Variants in TENM2 observed in about 807,000 individuals in gnomAD.
TENM2 encodes the protein teneurin transmembrane protein 2.
A neutral mutation model predicts 245.2 loss-of-function variants in TENM2; 52 were observed. The ratio of observed to expected loss-of-function variants is 0.21; its 90% CI spans 0.17 to 0.27. TENM2 has a LOEUF of 0.27. TENM2 is among the 10% of genes least tolerant of loss of function. The pLI is 1.00. For missense variants in TENM2, 3,046 were observed against 3,666.8 expected (o/e 0.83, Z 4.37); for synonymous variants, 1,363 against 1,438.9 (o/e 0.95, Z 1.19).
At chr5:167,414,549 G>A (rs1448831740) in intron 2 of TENM2, among the ~76,000 whole-genome samples, 1 of 152,058 alleles carries the variant, frequency 6.6e-6, no homozygotes, top group Non-Finnish European at 1.5e-5. Flanking sequence ...GATTTATGGA[G>A]GTAGTAGGGG....
intron 5 of TENM2, among the ~76,000 whole-genome samples, chr5:168,005,004 G>A (rs1256410238): frequency 6.6e-6 from 1 of 152,124 alleles, no homozygotes; most frequent in African/African-American, 2.4e-5. Context: ...GGGTAAAGGT[G>A]CTGCCTAAGG....
intron 9 of TENM2, among the ~76,000 whole-genome samples, chr5:168,098,725 T>C (rs1407097310): frequency 1.3e-5 from 2 of 152,148 alleles, no homozygotes; most frequent in Non-Finnish European, 2.9e-5. Flanking sequence ...CAAATGGCTC[T>C]ATCAGAGGCA....
At chr5:168,168,828 C>G (rs1486691694) in intron 13 of TENM2, among the ~76,000 whole-genome samples, 1 of 152,144 alleles carries the variant, frequency 6.6e-6, no homozygotes. Context: ...AATTCTCTGT[C>G]ATTAGGGTAT....
chr5:167,116,073 A>G, the TENM2 span, among the ~76,000 whole-genome samples: 25 of 152,350 alleles, frequency 1.6e-4, no homozygotes, highest in Middle Eastern at 3.4e-3. Flanking sequence ...TGCCTGGGAC[A>G]GAAAAGCCCT....
chr5:167,319,074 G>A (rs981836776), intron 1 of TENM2, among the ~76,000 whole-genome samples: 1 of 152,162 alleles, frequency 6.6e-6, no homozygotes, highest in Non-Finnish European at 1.5e-5. Flanking sequence ...TATACAGTTG[G>A]CCAATTTAAA....
chr5:167,656,964 G>A (rs914558509), intron 2 of TENM2, among the ~76,000 whole-genome samples: 8 of 137,708 alleles, frequency 5.8e-5, no homozygotes, highest in African/African-American at 2.2e-4. Flanking sequence ...TTTTGCATTG[G>A]AAACATTCAA....
At chr5:167,275,404 C>A in the TENM2 span, among the ~76,000 whole-genome samples, 1 of 152,020 alleles carries the variant, frequency 6.6e-6, no homozygotes, top group Non-Finnish European at 1.5e-5. Context: ...AAAAATTTTG[C>A]TAAGATTTCA....
At chr5:167,231,203 G>A in the TENM2 span, among the ~76,000 whole-genome samples, 1 of 152,186 alleles carries the variant, frequency 6.6e-6, no homozygotes, top group African/African-American at 2.4e-5. Flanking sequence ...TTGGTACTGG[G>A]ACTGGAGCAC....
the TENM2 span, among the ~76,000 whole-genome samples, chr5:166,995,215 T>A: frequency 2.6e-5 from 4 of 152,064 alleles, no homozygotes; most frequent in Admixed American, 1.3e-4. Flanking sequence ...ATATATTTTT[T>A]AAATTTTTCT....
At chr5:167,954,786 G>A (rs988275930) in intron 4 of TENM2, among the ~76,000 whole-genome samples, 4 of 152,146 alleles carry the variant, frequency 2.6e-5, no homozygotes, top group Non-Finnish European at 5.9e-5. Context: ...TCCCTGCAAA[G>A]GACATGAACT....
chr5:168,066,407 C>T (rs1158898305), intron 7 of TENM2, among the ~76,000 whole-genome samples: 3 of 152,132 alleles, frequency 2.0e-5, no homozygotes, highest in Non-Finnish European at 4.4e-5. Context: ...AAACATAAAA[C>T]GTTATGAGAC....
intron 2 of TENM2, among the ~76,000 whole-genome samples, chr5:167,830,328 A>T (rs1768358945): frequency 6.6e-6 from 1 of 152,026 alleles, no homozygotes. Context: ...TTTTTTTATC[A>T]TTTTTTCTGC....
At chr5:166,995,373 G>A in the TENM2 span, among the ~76,000 whole-genome samples, 1 of 151,782 alleles carries the variant, frequency 6.6e-6, no homozygotes, top group African/African-American at 2.4e-5. Context: ...CAGAGTAGCT[G>A]GGACTACAGG....
chr5:168,131,946 A>G (rs1327821152), intron 12 of TENM2, among the ~76,000 whole-genome samples: 1 of 152,174 alleles, frequency 6.6e-6, no homozygotes, highest in African/African-American at 2.4e-5. Context: ...GTGAAAACCT[A>G]AAGCGATGGC....
intron 2 of TENM2, among the ~76,000 whole-genome samples, chr5:167,871,990 G>C (rs1178897683): frequency 6.6e-6 from 1 of 152,014 alleles, no homozygotes; most frequent in African/African-American, 2.4e-5. Flanking sequence ...AAATGACATA[G>C]CAAACAGAAA....
chr5:167,735,452 T>C (rs1335058017), intron 2 of TENM2, among the ~76,000 whole-genome samples: 1 of 152,212 alleles, frequency 6.6e-6, no homozygotes, highest in Non-Finnish European at 1.5e-5. Flanking sequence ...CAAAACCTGT[T>C]ACAACTAGAA....
intron 2 of TENM2, among the ~76,000 whole-genome samples, chr5:167,517,894 G>C (rs1770490381): frequency 6.6e-6 from 1 of 151,982 alleles, no homozygotes; most frequent in Non-Finnish European, 1.5e-5. Context: ...CCGTTCAAAA[G>C]CATTCAGCAG....
chr5:167,039,731 A>AT, the TENM2 span, among the ~76,000 whole-genome samples: 89,644 of 151,406 alleles, frequency 0.59, 27,503 homozygotes, highest in African/African-American at 0.76. Context: ...TTAAAGATGT[A>AT]TTTTTTTTTC....
intron 2 of TENM2, among the ~76,000 whole-genome samples, chr5:167,635,020 C>A (rs1314599558): frequency 6.6e-6 from 1 of 152,082 alleles, no homozygotes; most frequent in Non-Finnish European, 1.5e-5. Context: ...ACTGGGTACC[C>A]CTACAGGCTT....
Sources: allele counts gnomAD v4.1 joint callset (sites outside exome capture counted in the v4.1 genomes callset), GRCh38; gene constraint gnomAD v4.1.1; transcripts MANE v1.5; gene names NCBI Gene and HGNC (gene_info 2026-07-23, HGNC 2026-07-21).